ROCK2: variants seen among roughly 807,000 people sequenced by gnomAD.
ROCK2 encodes the protein rho-associated protein kinase 2.
Under a neutral mutation model 195.1 loss-of-function variants are expected in ROCK2, and 61 were observed. That is an observed-to-expected ratio of 0.31 (90% CI 0.25 to 0.39). The LOEUF is 0.39. Ranked by LOEUF, ROCK2 falls within the 10% of genes least tolerant of loss-of-function variation. The pLI is 1.00. For synonymous variants in ROCK2, 504 were observed against 545.5 expected, an observed-to-expected ratio of 0.92 and a Z score of 1.06; for missense variants, 1,109 against 1,637.4, an observed-to-expected ratio of 0.68 and a Z score of 5.57.
intron 3 of ROCK2, among the ~76,000 whole-genome samples, chr2:11,266,381 T>C (rs1275722813): frequency 6.6e-6 from 1 of 152,184 alleles, no homozygotes; most frequent in Admixed American, 6.5e-5. Context: ...TTCAGCTCCA[T>C]TATAGTCTTT....
chr2:11,226,912 GAAAAAAAAAAAA>G (rs36080073), intron 6 of ROCK2, among the ~76,000 whole-genome samples: 3 of 100,792 alleles, frequency 3.0e-5, no homozygotes, highest in South Asian at 3.2e-4. Context: ...CCCTGCCTCA[GAAAAAAAAAAAA>G]AAAAAAAAAA....
At chr2:11,295,960 A>G (rs1205171857) in intron 1 of ROCK2, among the ~76,000 whole-genome samples, 1 of 106,036 alleles carries the variant, frequency 9.4e-6, no homozygotes, top group Admixed American at 1.2e-4. Flanking sequence ...CCATCTCAAA[A>G]AACAAAAGAG....
intron 3 of ROCK2, among the ~76,000 whole-genome samples, chr2:11,273,601 C>T (rs1465517015): frequency 6.6e-6 from 1 of 152,028 alleles, no homozygotes; most frequent in African/African-American, 2.4e-5. Flanking sequence ...TATGGAAATA[C>T]AGTAAAGAAA....
chr2:11,299,196 C>A (rs908552710), intron 1 of ROCK2, among the ~76,000 whole-genome samples: 10 of 151,744 alleles, frequency 6.6e-5, no homozygotes, highest in African/African-American at 2.2e-4. Context: ...ATCGCTTGAA[C>A]CTGGGAGGCG....
chr2:11,209,500 A>G (rs1267055395), intron 18 of ROCK2, among the ~76,000 whole-genome samples: 1 of 152,232 alleles, frequency 6.6e-6, no homozygotes, highest in Non-Finnish European at 1.5e-5. Flanking sequence ...AAAGTGGAGA[A>G]AATTTACAAA....
At chr2:11,332,240 T>C (rs1343641963) in intron 1 of ROCK2, among the ~76,000 whole-genome samples, 2 of 151,976 alleles carry the variant, frequency 1.3e-5, no homozygotes, top group African/African-American at 4.8e-5. Flanking sequence ...CATAACAAGG[T>C]TTTAAAAAAA....
chr2:11,237,503 GA>G (rs1485693344), intron 4 of ROCK2, among the ~76,000 whole-genome samples: 4 of 152,158 alleles, frequency 2.6e-5, no homozygotes, highest in African/African-American at 9.7e-5. Flanking sequence ...AAATGAAACT[GA>G]TACTTTACAC....
intron 1 of ROCK2, among the ~76,000 whole-genome samples, chr2:11,309,767 C>T (rs1667975940): frequency 6.6e-6 from 1 of 152,106 alleles, no homozygotes; most frequent in Non-Finnish European, 1.5e-5. Flanking sequence ...ACCACTTGAG[C>T]TCAGGAGTTT....
At chr2:11,223,118 A>G (rs577487329) in intron 7 of ROCK2, among the ~76,000 whole-genome samples, 1 of 152,230 alleles carries the variant, frequency 6.6e-6, no homozygotes, top group East Asian at 1.9e-4. Flanking sequence ...CCTTCTTTTC[A>G]AAGATAACAT....
intron 1 of ROCK2, among the ~76,000 whole-genome samples, chr2:11,322,397 T>C (rs1041150704): frequency 3.2e-4 from 48 of 151,128 alleles, no homozygotes; most frequent in Admixed American, 5.3e-4. Flanking sequence ...ATATATTTTA[T>C]ATATATATAA....
chr2:11,214,699 G>A lies in ROCK2; in HGVS notation c.1936+141C>T. The stretch of plus-strand genomic sequence containing the variant: ...TTAAATCTTTTGTTCCTAAAATTTT[G>A]TATCAGTGTATTTCTAATATTCTAA... On this transcript the variant is annotated intron_variant, in intron 16 of 32. Coordinates refer to ENST00000315872, the MANE Select transcript of ROCK2 (RefSeq NM_004850.5). 4.9e-6 allele frequency: 4 copies of A among 823,504 alleles called. No individual in the cohort carries two copies. In the East Asian group the frequency reaches 8.1e-5, roughly 17 times the overall value. The allele number at this position is 823,504 out of a possible 1,614,324, so 51.0% of individuals were successfully genotyped here.
rs370815244 is a variant in ROCK2 at position 11,249,159 on chromosome 2, G to A, written c.462+502C>T. On this transcript the variant is annotated intron_variant, in intron 4 of 32. Transcript: ENST00000315872. The stretch of plus-strand genomic sequence containing the variant: ...GATCCACCTGCCTTGGCCTCCCAAA[G>A]TGCTGGGATTACAGGTGTGAGCCAC... 2.0e-4 allele frequency among the ~76,000 whole-genome samples: 31 copies of A among 152,212 alleles called. No homozygotes were observed. In the South Asian group the frequency reaches 3.9e-3, roughly 19 times the overall value.
chr2:11,283,078 C>T (rs984853473), intron 3 of ROCK2, among the ~76,000 whole-genome samples: 6 of 145,708 alleles, frequency 4.1e-5, no homozygotes, highest in Admixed American at 2.7e-4. Context: ...ACCAGCCTGG[C>T]CAACATGGTG....
intron 1 of ROCK2, among the ~76,000 whole-genome samples, chr2:11,328,305 T>TG (rs1553319491): frequency 7.0e-4 from 107 of 151,874 alleles, no homozygotes; most frequent in Middle Eastern, 3.4e-3. Context: ...ATGCTACATT[T>TG]GGGGGGGGAA....
intron 3 of ROCK2, among the ~76,000 whole-genome samples, chr2:11,272,309 A>T (rs960309864): frequency 6.6e-6 from 1 of 152,208 alleles, no homozygotes; most frequent in African/African-American, 2.4e-5. Flanking sequence ...AAAAATCTCA[A>T]TAAAGGTAAA....
chr2:11,327,338 A>G (rs1290335733), intron 1 of ROCK2, among the ~76,000 whole-genome samples: 1 of 152,246 alleles, frequency 6.6e-6, no homozygotes, highest in Non-Finnish European at 1.5e-5. Flanking sequence ...CCTCAAAGGT[A>G]AAGCCAATTT....
In ROCK2 at chr2:11,211,731, T is replaced by C; in HGVS notation, c.2153A>G (p.Lys718Arg). ...TTCGATGGACTCATAGATCTTATTTTTATCTGCTAGTCGTGCCTTTGTGGC... is the reference window on the plus strand; with the variant it reads ...TTCGATGGACTCATAGATCTTATTTCTATCTGCTAGTCGTGCCTTTGTGGC... ...HKATKARLAD[K>R]NKIYESIEEA... The change falls in exon 18 of 33, where the codon AAA becomes AGA. Residue 718 changes from lysine to arginine, a missense_variant. Coordinates refer to ENST00000315872, the MANE Select transcript of ROCK2 (RefSeq NM_004850.5). 2 of 1,613,546 alleles carry C rather than the reference T, an allele frequency of 1.2e-6. No individual in the cohort carries two copies. The highest frequency in any genetic ancestry group is 1.7e-6 in the Non-Finnish European group (2 of 1,179,716).
At chr2:11,319,757 T>G (rs988568886) in intron 1 of ROCK2, among the ~76,000 whole-genome samples, 17 of 144,180 alleles carry the variant, frequency 1.2e-4, no homozygotes, top group Non-Finnish European at 1.9e-4. Flanking sequence ...TAGCTCTTAT[T>G]ATTTTTAGAT....
chr2:11,307,479 A>G (rs546342349), intron 1 of ROCK2, among the ~76,000 whole-genome samples: 35 of 152,080 alleles, frequency 2.3e-4, no homozygotes, highest in Non-Finnish European at 4.6e-4. Context: ...ACACCCAGCT[A>G]ATTTTTGTAT....
Sources: allele counts gnomAD v4.1 joint callset (sites outside exome capture counted in the v4.1 genomes callset), GRCh38; gene constraint gnomAD v4.1.1; transcripts MANE v1.5; gene names NCBI Gene and HGNC (gene_info 2026-07-23, HGNC 2026-07-21).